Variants in PLP2 observed in about 807,000 individuals in gnomAD.
The protein encoded by PLP2 is proteolipid protein 2, also known as A4 differentiation-dependent protein.
PLP2 carries 8 observed loss-of-function variants against 11.4 expected under a neutral mutation model. The ratio of observed to expected loss-of-function variants is 0.70; its 90% confidence interval spans 0.41 to 1.27. PLP2 has a LOEUF of 1.27. Among genes scored for constraint, PLP2 ranks in the 50% most tolerant of loss-of-function variants. PLP2 has a pLI of 0.01. For missense variants in PLP2, 127 were observed against 123.5 expected, an observed-to-expected ratio of 1.03 and a Z score of -0.14; for synonymous variants, 50 against 53.2, an observed-to-expected ratio of 0.94 and a Z score of 0.26.
chrX:49,172,343 G>A (rs1231555520), intron 1 of PLP2, among the ~76,000 whole-genome samples: 1 of 111,380 alleles, frequency 9.0e-6, no homozygotes, highest in Non-Finnish European at 1.9e-5. Context: ...GGAGGGCTAC[G>A]TGGGGACAGC....
In PLP2 at chrX:49,172,017, G is replaced by C. The variant is rs781846646; in HGVS notation, c.17G>C (p.Arg6Pro). The part of the protein sequence containing the change: MADSE[R>P]LSAPGCWAAC... ...GCCCATGCCATGGCGGATTCTGAGC[G>C]CCTCTCGGCTCCTGGCTGCTGGGCC... Residue 6 changes from arginine (R) to proline (P), a missense_variant, in exon 1 of 5, where the codon CGC becomes CCC. By Grantham distance (103) the Arg-to-Pro change is moderately radical. Transcript: ENST00000376327. The C allele has an allele frequency of 8.3e-7, 1 of 1,203,039 alleles. No individual in the cohort carries two copies. The highest frequency in any genetic ancestry group is 1.8e-5 in the South Asian group (1 of 56,476).
intron 1 of PLP2, among the ~76,000 whole-genome samples, chrX:49,172,870 A>T (rs1330320130): frequency 2.7e-5 from 3 of 112,237 alleles, no homozygotes; most frequent in African/African-American, 9.7e-5. Flanking sequence ...TTGTTGGGTG[A>T]CCCTGGCCAA....
chrX:49,174,774 T>G lies in PLP2; in HGVS notation c.*80T>G. On this transcript the variant is annotated 3_prime_UTR_variant, in exon 5 of 5. Transcript: ENST00000376327. ...ACTCCTCCCCACCCCAACAACAACA[T>G]TCCCAGCAGACCAACTCCCACCCCC... The G allele has an allele frequency of 1.2e-6, 1 of 840,057 alleles. No homozygotes were observed. Among genetic ancestry groups the G allele is most frequent in the Non-Finnish European group, 1.8e-6 (1 of 565,200 alleles). The allele number at this position is 840,057 out of a possible 1,213,427, so 69.2% of individuals were successfully genotyped here. A position where few individuals can be genotyped will look rare whatever the true frequency, so the allele number is the denominator to read the frequency against.
rs1040007705 is a variant in PLP2 at position 49,173,038 on chromosome X, G to A, written c.97-91G>A. On this transcript the variant is annotated intron_variant, in intron 1 of 4. Transcript: ENST00000376327. ...ATTGTATGTCATTTCCCCAGCCCTC[G>A]TAGGCATCTTAGTATGGGACCCCCA... 31 of 781,405 alleles carry A rather than the reference G, an allele frequency of 4.0e-5. No individual in the cohort carries two copies. In the East Asian group the frequency reaches 5.2e-4, roughly 13 times the overall value. 64.4% of individuals were successfully genotyped at this position (781,405 alleles called of 1,213,427 possible). A position where few individuals can be genotyped will look rare whatever the true frequency, so the allele number is the denominator to read the frequency against.
chrX:49,172,734 C>G (rs1430312872), intron 1 of PLP2, among the ~76,000 whole-genome samples: 2 of 112,249 alleles, frequency 1.8e-5, no homozygotes, highest in Admixed American at 9.4e-5. Context: ...CGTGTTCCGC[C>G]CCGGTCAAGG....
At chrX:49,174,079 CAA>C (rs1264290820) in intron 3 of PLP2, among the ~76,000 whole-genome samples, 2 of 99,376 alleles carry the variant, frequency 2.0e-5, no homozygotes. Context: ...TACTGTGTCT[CAA>C]AAAAAAAAAA....
rs1020286667 is a variant in PLP2 at position 49,174,798 on chromosome X, C to G, written c.*104C>G. ...ATTCCCAGCAGACCAACTCCCACCC[C>G]CTCTTTGAGGTAAAAGTGCCTTTAT... On this transcript the variant is annotated 3_prime_UTR_variant, in exon 5 of 5. Transcript: ENST00000376327. 5.6e-6 allele frequency: 4 copies of G among 718,578 alleles called. No homozygotes were observed. Among genetic ancestry groups the G allele is most frequent in the African/African-American group, 4.2e-5 (2 of 47,136 alleles). The allele number at this position is 718,578 out of a possible 1,213,427, so 59.2% of individuals were successfully genotyped here.
chrX:49,174,690 T>C lies in PLP2; in HGVS notation c.455T>C (p.Val152Ala), dbSNP rs782261809. ...CCTGCAGACCCCGCAGATGGCCCGG[T>C]GTAGGCGAACTTCCCTCATTTCTCT... is the stretch of plus-strand genomic sequence containing the variant. ...AAPTDPADGP[V>A] The change falls in exon 5 of 5, where the codon GTG (valine) becomes GCG (alanine). Residue 152 changes from valine to alanine, a missense_variant. Coordinates refer to ENST00000376327, the MANE Select transcript of PLP2 (RefSeq NM_002668.3). 4.2e-6 allele frequency: 5 copies of C among 1,203,390 alleles called. No homozygotes were observed. The African/African-American group carries it at 8.8e-5, about 21-fold the overall frequency.
intron 1 of PLP2, 35 bp downstream of exon 1, chrX:49,172,131 G>A: frequency 1.0e-6 from 1 of 995,631 alleles, no homozygotes; most frequent in Non-Finnish European, 1.4e-6. Flanking sequence ...GGGCAAAAGC[G>A]GGATGGGGTG....
intron 4 of PLP2, 103 bp from the exon 5 acceptor site, chrX:49,174,569 C>A: frequency 1.1e-6 from 1 of 906,905 alleles, no homozygotes; most frequent in Non-Finnish European, 1.6e-6. Context: ...GTACCATAAG[C>A]TTCGGTATTC....
In PLP2 at chrX:49,174,627, G is replaced by A. The variant is rs782786295; in HGVS notation, c.437-45G>A. 7 of 1,161,019 alleles carry A rather than the reference G, an allele frequency of 6.0e-6. No individual in the cohort carries two copies. In the East Asian group the frequency reaches 2.1e-4, roughly 35 times the overall value. On this transcript the variant is annotated intron_variant, in intron 4 of 4. Coordinates refer to ENST00000376327, the MANE Select transcript of PLP2 (RefSeq NM_002668.3). ...CTTTGGATCTTGTTTTAAAAAATGG[G>A]CATATAGATTCAGCCAATGCTTTCT...
In PLP2 at chrX:49,174,907, C is replaced by T; in HGVS notation, c.*213C>T. ...TGTGTGCCTAGGTCCTCCTTCTGCACGATCCAATAGGAGACACCAGTTCTG... is the reference window on the plus strand; with the variant it reads ...TGTGTGCCTAGGTCCTCCTTCTGCATGATCCAATAGGAGACACCAGTTCTG... On this transcript the variant is annotated 3_prime_UTR_variant, in exon 5 of 5. Transcript: ENST00000376327. 4.2e-6 allele frequency: 2 copies of T among 473,121 alleles called. No individual in the cohort carries two copies. The highest frequency in any genetic ancestry group is 3.1e-5 in the South Asian group (1 of 32,690). The allele number at this position is 473,121 out of a possible 1,213,427, so 39.0% of individuals were successfully genotyped here.
Position 49,174,438 on chromosome X carries a change from G to GTA in PLP2, c.436+14_436+15insAT. 8.5e-7 allele frequency: 1 copy of GTA among 1,180,820 alleles called. No homozygotes were observed. The highest frequency in any genetic ancestry group is 1.2e-6 in the Non-Finnish European group (1 of 868,433). On this transcript the variant is annotated intron_variant, in intron 4 of 4. Transcript: ENST00000376327. The stretch of plus-strand genomic sequence containing the variant: ...GCAGCCCCCACTGGTAAGTGTGTGT[G>GTA]TGTGTTGGTTGGGGGTAAGGGGGTT...
At chrX:49,172,882 C>T (rs2065397407) in intron 1 of PLP2, among the ~76,000 whole-genome samples, 1 of 112,452 alleles carries the variant, frequency 8.9e-6, no homozygotes, top group African/African-American at 3.2e-5. Flanking sequence ...CCTGGCCAAG[C>T]CATTAAACCT....
chrX:49,173,269 C>T lies in PLP2; in HGVS notation c.237C>T (p.Asn79=). 8.3e-7 allele frequency: 1 copy of T among 1,211,235 alleles called. No individual in the cohort carries two copies. Among genetic ancestry groups the T allele is most frequent in the Non-Finnish European group, 1.1e-6 (1 of 895,036 alleles). Reference sequence around the variant, plus strand: ...TGCACACCAAGATACCATTCATCAACTGGCCCTGGAGTGTGAGAAGGGGTC... The same window carrying T: ...TGCACACCAAGATACCATTCATCAATTGGCCCTGGAGTGTGAGAAGGGGTC... The part of the protein sequence containing the change: ...CDLHTKIPFI[N]WPWSDFFRTL... The change falls in exon 2 of 5, where the codon AAC becomes AAT. Residue 79 remains asparagine (N), a synonymous_variant. Coordinates refer to ENST00000376327, the MANE Select transcript of PLP2 (RefSeq NM_002668.3).
intron 4 of PLP2, 34 bp from the exon 5 acceptor site, chrX:49,174,638 C>T (rs2065405117): frequency 8.4e-7 from 1 of 1,189,473 alleles, no homozygotes; most frequent in Non-Finnish European, 1.1e-6. Flanking sequence ...CATATAGATT[C>T]AGCCAATGCT....
rs374659105 is a variant in PLP2, at chrX:49,173,290, G to T, written c.249+9G>T. The T allele has an allele frequency of 1.5e-5, 18 of 1,208,468 alleles. No homozygotes were observed. The highest frequency in any genetic ancestry group is 1.9e-5 in the Non-Finnish European group (17 of 894,037). On this transcript the variant is annotated intron_variant, in intron 2 of 4. Transcript: ENST00000376327. ...TCAACTGGCCCTGGAGTGTGAGAAG[G>T]GGTCCACAATGGCAAGACCAGGGAG...
Position 49,172,289 on chromosome X carries a change from A to T in PLP2, c.96+193A>T, listed in dbSNP as rs781931923. ...GTGGGGTTTGACGAAGGTTGTTGAG[A>T]TCTGGTGGTCCCCGGGGTGAAGCAA... On this transcript the variant is annotated intron_variant, in intron 1 of 4. Transcript: ENST00000376327. Among the ~76,000 whole-genome samples, 12 of 110,544 alleles carry T rather than the reference A, an allele frequency of 1.1e-4. No homozygotes were observed. In the East Asian group the frequency reaches 2.6e-3, roughly 24 times the overall value.
At chrX:49,172,232 G>A (rs1453564292) in intron 1 of PLP2, 136 bp downstream of exon 1, 3 of 504,984 alleles carry the variant, frequency 5.9e-6, no homozygotes, top group Admixed American at 2.9e-5. Flanking sequence ...GTTCACGGTG[G>A]AGGCCCGAAA....
Sources: gnomAD v4.1 joint callset for allele counts (sites outside exome capture counted in the v4.1 genomes callset) on GRCh38, gnomAD v4.1.1 for gene constraint, MANE v1.5 for transcripts, NCBI Gene and HGNC (gene_info 2026-07-23, HGNC 2026-07-21) for gene names.